The following LBP variants were observed in gnomAD, a reference collection of about 807,000 sequenced individuals.
The protein encoded by LBP is lipopolysaccharide binding protein.
Under a neutral mutation model 56.6 loss-of-function variants are expected in LBP, and 53 were observed. The ratio of observed to expected loss-of-function variants is 0.94; its 90% CI spans 0.75 to 1.18. The LOEUF is 1.18. Among genes scored for constraint, LBP ranks in the 50% most tolerant of loss-of-function variants. LBP has a pLI of 0.00. For synonymous variants in LBP, 227 were observed against 247.5 expected, an observed-to-expected ratio of 0.92 and a Z score of 0.78; for missense variants, 601 against 598.3, an observed-to-expected ratio of 1.00 and a Z score of -0.05.
intron 1 of LBP, 63 bp downstream of exon 1, chr20:38,346,703 G>C: frequency 6.2e-7 from 1 of 1,602,150 alleles, no homozygotes; most frequent in Non-Finnish European, 8.5e-7. Flanking sequence ...TCTGGGTACA[G>C]TGGGGACAGG....
In LBP at chr20:38,354,391, G is replaced by A; in HGVS notation, c.476G>A (p.Cys159Tyr). Residue 159 changes from cysteine (C) to tyrosine (Y), a missense_variant, in exon 4 of 15, where the codon TGC (cysteine) becomes TAC (tyrosine). Coordinates refer to ENST00000217407, the MANE Select transcript of LBP (RefSeq NM_004139.5). The part of the protein sequence containing the change: ...SGRPTVTASS[C>Y]SSDIADVEVD... The stretch of plus-strand genomic sequence containing the variant: ...AGGCCCACAGTTACTGCCTCCAGCT[G>A]CAGCAGTGACATCGCTGACGTGGAG... 6.2e-7 allele frequency: 1 copy of A among 1,613,498 alleles called. No individual in the cohort carries two copies. The highest frequency in any genetic ancestry group is 2.2e-5 in the East Asian group (1 of 44,868).
chr20:38,372,289 A>C (rs1337015972), intron 12 of LBP, among the ~76,000 whole-genome samples: 1 of 152,160 alleles, frequency 6.6e-6, no homozygotes, highest in Non-Finnish European at 1.5e-5. Flanking sequence ...TGCCTCCCAG[A>C]CTTTCCCGAA....
chr20:38,351,149 C>A (rs142226697), intron 3 of LBP, among the ~76,000 whole-genome samples: 1 of 152,212 alleles, frequency 6.6e-6, no homozygotes, highest in Non-Finnish European at 1.5e-5. Flanking sequence ...CCAAAGGGGA[C>A]GGGCCTGCTT....
Position 38,350,847 on chromosome 20 carries a change from G to C in LBP, c.276G>C (p.Ala92=), listed in dbSNP as rs5744203. The C allele has an allele frequency of 3.7e-6, 6 of 1,613,672 alleles. No homozygotes were observed. The stretch of plus-strand genomic sequence containing the variant: ...ACAGCTGTGAGCTGCTTCACTCTGC[G>C]CTGAGGCCTGTCCCTGGCCAGGGCC... The part of the protein sequence containing the change: ...NIHSCELLHS[A]LRPVPGQGLS... Residue 92 remains alanine (A), a synonymous_variant, in exon 3 of 15, where the codon GCG becomes GCC. Coordinates refer to ENST00000217407, the MANE Select transcript of LBP (RefSeq NM_004139.5).
Position 38,349,612 on chromosome 20 carries a change from C to T in LBP, c.189C>T (p.Thr63=), listed in dbSNP as rs751352956. Residue 63 remains threonine, a synonymous_variant, in exon 2 of 15, where the codon ACC becomes ACT. Coordinates refer to ENST00000217407, the MANE Select transcript of LBP (RefSeq NM_004139.5). ...TCAGGATCACGCTGCCTGACTTCAC[C>T]GGGGACTTGAGGATCCCCCACGTCG... ...ELLRITLPDF[T]GDLRIPHVGR... 2.1e-5 allele frequency: 34 copies of T among 1,611,828 alleles called. No individual in the cohort carries two copies. The highest frequency in any genetic ancestry group is 6.7e-5 in the East Asian group (3 of 44,832).
At chr20:38,357,616 AT>A (rs2076845817) in intron 5 of LBP, among the ~76,000 whole-genome samples, 1 of 152,216 alleles carries the variant, frequency 6.6e-6, no homozygotes, top group South Asian at 2.1e-4. Context: ...GCAAGAAAGA[AT>A]TTGGGGTGAG....
In LBP at chr20:38,364,704, G is replaced by A. The variant is rs558447141; in HGVS notation, c.873G>A (p.Leu291=). The A allele has an allele frequency of 1.2e-6, 2 of 1,613,874 alleles. No homozygotes were observed. The highest frequency in any genetic ancestry group is 1.1e-5 in the South Asian group (1 of 91,034). The change falls in exon 8 of 15, where the codon CTG becomes CTA. Residue 291 remains leucine, a synonymous_variant. Transcript: ENST00000217407. ...ISDYVFNTAS[L]VYHEEGYLNF... ...ATTATGTCTTCAACACGGCCAGCCT[G>A]GTTTATCATGAGGAAGGATATCTGA...
At chr20:38,355,276 A>G in intron 4 of LBP, 70 bp from the exon 5 acceptor site, 1 of 1,411,862 alleles carries the variant, frequency 7.1e-7, no homozygotes, top group South Asian at 1.1e-5. Context: ...CTGACCAGGG[A>G]CCAGGGCCTG....
chr20:38,350,945 T>C lies in LBP; in HGVS notation c.368+6T>C, dbSNP rs1448935658. 1.2e-6 allele frequency: 2 copies of C among 1,612,894 alleles called. No homozygotes were observed. The highest frequency in any genetic ancestry group is 1.7e-6 in the Non-Finnish European group (2 of 1,179,090). ...AAGGTGCGCAAGTCATTCTTGTAAG[T>C]TGGCTCTGCTCCCAGGCCCTGGAGC... is the stretch of plus-strand genomic sequence containing the variant. On this transcript the variant is annotated splice_donor_region_variant and intron_variant, in intron 3 of 14. Coordinates refer to ENST00000217407, the MANE Select transcript of LBP (RefSeq NM_004139.5).
intron 14 of LBP, 108 bp downstream of exon 14, chr20:38,374,121 G>T: frequency 8.6e-7 from 1 of 1,167,808 alleles, no homozygotes; most frequent in Non-Finnish European, 1.3e-6. Context: ...CCTGCAGCTG[G>T]GAAAGTCTGG....
chr20:38,349,580 G>C lies in LBP; in HGVS notation c.157G>C (p.Glu53Gln), dbSNP rs1230706264. ...GGAGGGGCTATTAGCTCTGCAGAGT[G>C]AGCTGCTCAGGATCACGCTGCCTGA... ...AQEGLLALQS[E>Q]LLRITLPDFT... Residue 53 changes from glutamate to glutamine, a missense_variant, in exon 2 of 15, where the codon GAG becomes CAG. By Grantham distance (29) the Glu-to-Gln change is conservative (BLOSUM62 2). Transcript: ENST00000217407. The C allele has an allele frequency of 4.3e-6, 7 of 1,610,974 alleles. No homozygotes were observed. Among genetic ancestry groups the C allele is most frequent in the Non-Finnish European group, 5.9e-6 (7 of 1,178,896 alleles).
At chr20:38,357,331 G>A (rs1336445122) in intron 5 of LBP, among the ~76,000 whole-genome samples, 1 of 152,212 alleles carries the variant, frequency 6.6e-6, no homozygotes, top group Non-Finnish European at 1.5e-5. Flanking sequence ...AGGGCTAGGT[G>A]TCTTGGGAAA....
Position 38,370,637 on chromosome 20 carries a change from G to A in LBP, c.1150-101G>A. On this transcript the variant is annotated intron_variant, in intron 10 of 14. Transcript: ENST00000217407. Reference sequence around the variant, plus strand: ...GGCAAATTTCCTGCTTTAGCTCATTGAGCTGTTTGTTGAGAGGAGACAGTT... The same window carrying A: ...GGCAAATTTCCTGCTTTAGCTCATTAAGCTGTTTGTTGAGAGGAGACAGTT... 3 of 1,039,886 alleles carry A rather than the reference G, an allele frequency of 2.9e-6. No individual in the cohort carries two copies. In the South Asian group the frequency reaches 3.9e-5, roughly 14 times the overall value. The allele number at this position is 1,039,886 out of a possible 1,614,324, so 64.4% of individuals were successfully genotyped here.
Position 38,348,532 on chromosome 20 carries a change from C to T in LBP, c.125-1016C>T, listed in dbSNP as rs1004947532. Reference sequence around the variant, plus strand: ...TTCACTATGTTGGCCAGGATGGTCTCGATGATCCACCCGCCTCGGCCTCCC... The same window carrying T: ...TTCACTATGTTGGCCAGGATGGTCTTGATGATCCACCCGCCTCGGCCTCCC... On this transcript the variant is annotated intron_variant, in intron 1 of 14. Transcript: ENST00000217407. Among the ~76,000 whole-genome samples the T allele has an allele frequency of 2.6e-5, 4 of 151,978 alleles. No homozygotes were observed. In the South Asian group the frequency reaches 8.3e-4, roughly 32 times the overall value.
At chr20:38,369,913 TG>T in intron 10 of LBP, among the ~76,000 whole-genome samples, 1 of 152,136 alleles carries the variant, frequency 6.6e-6, no homozygotes, top group Non-Finnish European at 1.5e-5. Context: ...TTGGGTCCTT[TG>T]GGGGCCTTGC....
intron 13 of LBP, among the ~76,000 whole-genome samples, chr20:38,373,470 G>C (rs527445962): frequency 3.9e-5 from 6 of 152,194 alleles, no homozygotes; most frequent in Non-Finnish European, 7.3e-5. Context: ...CAAGGCAGCC[G>C]CCTCTGAACT....
At chr20:38,353,528 A>T (rs941798910) in intron 3 of LBP, among the ~76,000 whole-genome samples, 2 of 113,834 alleles carry the variant, frequency 1.8e-5, no homozygotes, top group African/African-American at 6.8e-5. Flanking sequence ...ATGATGCTTC[A>T]GTGAGCTGCC....
chr20:38,346,579 A>G lies in LBP; in HGVS notation c.63A>G (p.Pro21=). The change falls in exon 1 of 15, where the codon CCA becomes CCG. Residue 21 remains proline, a synonymous_variant. Transcript: ENST00000217407. The part of the protein sequence containing the change: ...ILLALLLTST[P]EALGANPGLV... ...TGGCATTGCTGCTTACGTCCACCCC[A>G]GAGGCTCTGGGTGCCAACCCCGGCT... is the stretch of plus-strand genomic sequence containing the variant. The G allele has an allele frequency of 1.9e-6, 3 of 1,613,764 alleles. No homozygotes were observed. The highest frequency in any genetic ancestry group is 2.5e-6 in the Non-Finnish European group (3 of 1,180,014).
chr20:38,355,333 C>T lies in LBP; in HGVS notation c.525-13C>T. 6.2e-7 allele frequency: 1 copy of T among 1,613,424 alleles called. No individual in the cohort carries two copies. Among genetic ancestry groups the T allele is most frequent in the South Asian group, 1.1e-5 (1 of 91,080 alleles). On this transcript the variant is annotated splice_polypyrimidine_tract_variant and intron_variant, in intron 4 of 14. Transcript: ENST00000217407. ...TCCCCAAGTTCAGTGGCAGACTGTG[C>T]TTCTCTCCCCAGGTGGCTGTTGAAC...
Sources: allele counts gnomAD v4.1 joint callset (sites outside exome capture counted in the v4.1 genomes callset), GRCh38; gene constraint gnomAD v4.1.1; transcripts MANE v1.5; gene names NCBI Gene and HGNC (gene_info 2026-07-23, HGNC 2026-07-21).